Variants in MACROD2 observed in about 807,000 individuals in gnomAD.
MACROD2 encodes the protein ADP-ribose glycohydrolase MACROD2.
A neutral mutation model predicts 70.4 loss-of-function variants in MACROD2; 36 were observed. The ratio of observed to expected loss-of-function variants is 0.51; its 90% CI spans 0.39 to 0.68. The LOEUF is 0.68. MACROD2 is among the 30% of genes least tolerant of loss of function. MACROD2 has a pLI of 0.00. For missense variants in MACROD2, 496 were observed against 538.4 expected (o/e 0.92, Z 0.78); for synonymous variants, 172 against 178.8 (o/e 0.96, Z 0.30).
chr20:14,662,186 A>G (rs1986259030), intron 4 of MACROD2, among the ~76,000 whole-genome samples: 1 of 152,148 alleles, frequency 6.6e-6, no homozygotes, highest in African/African-American at 2.4e-5. Flanking sequence ...TAATAAGGCC[A>G]CACACCTACA....
intron 5 of MACROD2, among the ~76,000 whole-genome samples, chr20:14,868,213 G>C (rs1297739649): frequency 6.9e-6 from 1 of 145,898 alleles, no homozygotes; most frequent in African/African-American, 2.6e-5. Flanking sequence ...TAAGAGACAA[G>C]TTCTCTCTTT....
intron 12 of MACROD2, among the ~76,000 whole-genome samples, chr20:15,967,267 T>A (rs1325205958): frequency 6.6e-6 from 1 of 152,172 alleles, no homozygotes; most frequent in Non-Finnish European, 1.5e-5. Context: ...CCCATAGTTC[T>A]AAGACTTTCC....
chr20:14,906,462 C>A (rs1398832246), intron 5 of MACROD2, among the ~76,000 whole-genome samples: 1 of 152,060 alleles, frequency 6.6e-6, no homozygotes, highest in Non-Finnish European at 1.5e-5. Flanking sequence ...CCACTGCACT[C>A]CAGCCTGGGC....
At chr20:14,992,707 CAGA>C (rs2074915587) in intron 5 of MACROD2, among the ~76,000 whole-genome samples, 3 of 150,486 alleles carry the variant, frequency 2.0e-5, no homozygotes, top group African/African-American at 7.5e-5. Flanking sequence ...ACCTGTAATG[CAGA>C]AGAATTTAGA....
At chr20:15,660,228 A>G (rs1043455715) in intron 8 of MACROD2, among the ~76,000 whole-genome samples, 1 of 152,196 alleles carries the variant, frequency 6.6e-6, no homozygotes, top group African/African-American at 2.4e-5. Context: ...AAACCAGTTC[A>G]CATCCATCAC....
chr20:14,128,805 A>G (rs994324747), intron 3 of MACROD2, among the ~76,000 whole-genome samples: 5 of 152,092 alleles, frequency 3.3e-5, no homozygotes, highest in South Asian at 4.1e-4. Context: ...TGCTGAATCT[A>G]CTCTGCCTGT....
chr20:15,975,020 T>A (rs1288640693), intron 13 of MACROD2, among the ~76,000 whole-genome samples: 1 of 152,008 alleles, frequency 6.6e-6, no homozygotes, highest in East Asian at 1.9e-4. Flanking sequence ...AAAGAGCTAA[T>A]TTTTTTATTT....
At chr20:14,295,028 G>A (rs1032116452) in intron 3 of MACROD2, among the ~76,000 whole-genome samples, 2 of 151,602 alleles carry the variant, frequency 1.3e-5, no homozygotes, top group Admixed American at 6.6e-5. Flanking sequence ...TCAATTCATG[G>A]CCAATGTATA....
chr20:14,075,835 A>G (rs3908766), intron 2 of MACROD2, among the ~76,000 whole-genome samples: 151,353 of 152,328 alleles, frequency 0.99, 75,200 homozygotes, highest in East Asian at 1. Flanking sequence ...AGGAAAAAAC[A>G]CTAATTGGAA....
intron 3 of MACROD2, among the ~76,000 whole-genome samples, chr20:14,395,418 A>G (rs1308114141): frequency 6.6e-6 from 1 of 152,116 alleles, no homozygotes; most frequent in Non-Finnish European, 1.5e-5. Context: ...TCCTTTTAAC[A>G]TATGTAATCT....
chr20:14,057,307 A>G (rs1404114826), intron 2 of MACROD2, among the ~76,000 whole-genome samples: 1 of 152,218 alleles, frequency 6.6e-6, no homozygotes, highest in Non-Finnish European at 1.5e-5. Context: ...AATTTCTGTC[A>G]TCAAAAGTTA....
intron 3 of MACROD2, among the ~76,000 whole-genome samples, chr20:14,280,543 A>G (rs1436828616): frequency 6.6e-6 from 1 of 152,156 alleles, no homozygotes. Flanking sequence ...AGGACCAAGG[A>G]TCTCTTCCCC....
At chr20:14,953,479 T>G (rs774866261) in intron 5 of MACROD2, among the ~76,000 whole-genome samples, 3 of 152,038 alleles carry the variant, frequency 2.0e-5, no homozygotes, top group Admixed American at 6.6e-5. Context: ...GCTAATTTTT[T>G]GTATTTTTGG....
intron 6 of MACROD2, among the ~76,000 whole-genome samples, chr20:15,381,348 A>T (rs2045641769): frequency 6.6e-6 from 1 of 151,868 alleles, no homozygotes; most frequent in Admixed American, 6.6e-5. Context: ...CCGAGAGAGC[A>T]CAGACTATAT....
At chr20:14,370,420 A>G (rs990523757) in intron 3 of MACROD2, among the ~76,000 whole-genome samples, 1 of 152,162 alleles carries the variant, frequency 6.6e-6, no homozygotes, top group African/African-American at 2.4e-5. Context: ...GGGAATACCA[A>G]AATTTAGGAT....
At chr20:15,468,672 A>G (rs2046927154) in intron 7 of MACROD2, among the ~76,000 whole-genome samples, 1 of 151,914 alleles carries the variant, frequency 6.6e-6, no homozygotes, top group African/African-American at 2.4e-5. Context: ...TGCTTCTTTT[A>G]TTTTTTCTAT....
chr20:15,257,408 A>C (rs73101216), intron 6 of MACROD2, among the ~76,000 whole-genome samples: 1 of 152,116 alleles, frequency 6.6e-6, no homozygotes, highest in Non-Finnish European at 1.5e-5. Context: ...GAACCTATCA[A>C]GTGCTAGGCA....
chr20:15,137,036 A>G lies in MACROD2; in HGVS notation c.419-92904A>G, dbSNP rs1473462791. On this transcript the variant is annotated intron_variant, in intron 5 of 17. Transcript: ENST00000684519. ...ACCATCTCACACCAGTTAGAATGGC[A>G]ATCATTAAAAAGTCAGGAAACAACA... 4.7e-5 allele frequency among the ~76,000 whole-genome samples: 7 copies of G among 149,726 alleles called. No individual in the cohort carries two copies. In the East Asian group the frequency reaches 1.4e-3, roughly 29 times the overall value.
In MACROD2 at chr20:15,191,929, T is replaced by TAGAG. The variant is rs71950480; in HGVS notation, c.419-38010_419-38009insGAGA. Among the ~76,000 whole-genome samples, 629 of 86,442 alleles carry TAGAG rather than the reference T, an allele frequency of 7.3e-3. 8 individuals carry two copies. The highest frequency in any genetic ancestry group is 0.06 in the East Asian group (144 of 2,382). 56.7% of individuals were successfully genotyped at this position (86,442 alleles called of 152,430 possible). A position where few individuals can be genotyped will look rare whatever the true frequency, so the allele number is the denominator to read the frequency against. ...CTACACATATGTGTATATATATATA[T>TAGAG]ATAGAGAGAGAGAGAGTTAATACAT... On this transcript the variant is annotated intron_variant, in intron 5 of 17. Coordinates refer to ENST00000684519, the MANE Select transcript of MACROD2 (RefSeq NM_001351661.2).
Sources: allele counts gnomAD v4.1 joint callset (sites outside exome capture counted in the v4.1 genomes callset), GRCh38; gene constraint gnomAD v4.1.1; transcripts MANE v1.5; gene names NCBI Gene and HGNC (gene_info 2026-07-23, HGNC 2026-07-21).